IL1RAPL2: variants seen among roughly 807,000 people sequenced by gnomAD.
IL1RAPL2 encodes X-linked interleukin-1 receptor accessory protein-like 2.
Under a neutral mutation model 44.1 loss-of-function variants are expected in IL1RAPL2, and 3 were observed. The ratio of observed to expected loss-of-function variants is 0.07; its 90% CI spans 0.03 to 0.18. The LOEUF is 0.18. Among genes scored for constraint, IL1RAPL2 ranks in the 10% least tolerant of loss-of-function variants. The probability of loss-of-function intolerance (pLI) is 1.00; values close to 1 mark genes in which losing one functional copy is unlikely to be tolerated. For synonymous variants in IL1RAPL2, 181 were observed against 178.8 expected (o/e 1.01, Z -0.10); for missense variants, 391 against 496.4 (o/e 0.79, Z 2.02).
chrX:105,328,615 C>T (rs2034960236), intron 5 of IL1RAPL2, among the ~76,000 whole-genome samples: 1 of 111,479 alleles, frequency 9.0e-6, no homozygotes. Context: ...GCAGCAAAAC[C>T]CTACAGAATT....
At chrX:104,997,162 A>C (rs2030763271) in intron 2 of IL1RAPL2, among the ~76,000 whole-genome samples, 1 of 111,949 alleles carries the variant, frequency 8.9e-6, no homozygotes, top group African/African-American at 3.2e-5. Flanking sequence ...AACTATTCAC[A>C]TGTGGACATT....
chrX:105,174,097 A>C (rs756714058), intron 2 of IL1RAPL2, among the ~76,000 whole-genome samples: 26 of 110,507 alleles, frequency 2.4e-4, no homozygotes, highest in African/African-American at 8.2e-4. Flanking sequence ...TTACCCTCCT[A>C]CCACTTCTAG....
At chrX:105,635,411 G>C (rs958755645) in intron 6 of IL1RAPL2, among the ~76,000 whole-genome samples, 5 of 111,886 alleles carry the variant, frequency 4.5e-5, no homozygotes, top group African/African-American at 1.6e-4. Context: ...AGAATATTAA[G>C]AAGACCAGAG....
At chrX:104,821,194 C>T (rs922067337) in intron 2 of IL1RAPL2, among the ~76,000 whole-genome samples, 1 of 111,714 alleles carries the variant, frequency 9.0e-6, no homozygotes, top group African/African-American at 3.3e-5. Context: ...GCAGAAATAT[C>T]ACAGTGATTA....
At chrX:105,056,886 C>T (rs763188987) in intron 2 of IL1RAPL2, among the ~76,000 whole-genome samples, 2 of 110,814 alleles carry the variant, frequency 1.8e-5, no homozygotes, top group Admixed American at 9.7e-5. Flanking sequence ...AAGCTAGTAT[C>T]GGGAATTCAT....
chrX:105,434,009 A>G (rs1241817848), intron 5 of IL1RAPL2, among the ~76,000 whole-genome samples: 1 of 111,792 alleles, frequency 8.9e-6, no homozygotes, highest in African/African-American at 3.2e-5. Flanking sequence ...CGAATTTATA[A>G]TATTTAAAGA....
chrX:105,472,773 G>A (rs936003266), intron 5 of IL1RAPL2, among the ~76,000 whole-genome samples: 1 of 111,900 alleles, frequency 8.9e-6, no homozygotes, highest in Non-Finnish European at 1.9e-5. Context: ...CATCATGTGG[G>A]AAATTAATCA....
intron 6 of IL1RAPL2, among the ~76,000 whole-genome samples, chrX:105,642,152 C>A (rs921215693): frequency 2.7e-5 from 3 of 109,515 alleles, no homozygotes; most frequent in East Asian, 2.9e-4. Flanking sequence ...CACAGCCCCC[C>A]ACTCCTGCCC....
At chrX:105,056,885 T>C (rs1045789630) in intron 2 of IL1RAPL2, among the ~76,000 whole-genome samples, 5 of 111,064 alleles carry the variant, frequency 4.5e-5, no homozygotes, top group Non-Finnish European at 7.5e-5. Context: ...CAAGCTAGTA[T>C]CGGGAATTCA....
intron 2 of IL1RAPL2, among the ~76,000 whole-genome samples, chrX:105,161,580 A>C (rs898148024): frequency 1.5e-4 from 17 of 111,328 alleles, no homozygotes; most frequent in Non-Finnish European, 3.2e-4. Flanking sequence ...CCTAGACCAC[A>C]TGGTTTTATT....
chrX:105,007,292 C>T (rs1030658781), intron 2 of IL1RAPL2, among the ~76,000 whole-genome samples: 2 of 111,325 alleles, frequency 1.8e-5, no homozygotes, highest in Admixed American at 1.9e-4. Flanking sequence ...TTGGAATGCT[C>T]ATATATATAG....
chrX:105,326,363 C>CT (rs1171883498), intron 5 of IL1RAPL2, among the ~76,000 whole-genome samples: 66 of 109,237 alleles, frequency 6.0e-4, no homozygotes, highest in African/African-American at 1.6e-3. Flanking sequence ...GGCCTGTCTT[C>CT]TTTTTTTTTA....
intron 4 of IL1RAPL2, among the ~76,000 whole-genome samples, chrX:105,259,160 T>A (rs2034337719): frequency 8.9e-6 from 1 of 111,999 alleles, no homozygotes; most frequent in Admixed American, 9.5e-5. Flanking sequence ...GAAGCTTACT[T>A]CCTGTCTCTG....
intron 6 of IL1RAPL2, among the ~76,000 whole-genome samples, chrX:105,652,575 C>T (rs1036586640): frequency 1.8e-5 from 2 of 111,438 alleles, no homozygotes; most frequent in Admixed American, 9.6e-5. Flanking sequence ...AATTCATTAT[C>T]GCACTTAGTA....
At chrX:104,922,857 A>AT (rs995429920) in intron 2 of IL1RAPL2, among the ~76,000 whole-genome samples, 2 of 111,993 alleles carry the variant, frequency 1.8e-5, no homozygotes, top group African/African-American at 6.5e-5. Context: ...CAAGGTATGG[A>AT]TTTTAAGGAA....
intron 6 of IL1RAPL2, among the ~76,000 whole-genome samples, chrX:105,663,407 A>G: frequency 8.9e-6 from 1 of 112,187 alleles, no homozygotes; most frequent in Non-Finnish European, 1.9e-5. Context: ...AGAAATGTAA[A>G]CAAATATAAA....
intron 2 of IL1RAPL2, among the ~76,000 whole-genome samples, chrX:105,034,933 G>C (rs890180972): frequency 0.22 from 18 of 83 alleles, no homozygotes; most frequent in Non-Finnish European, 0.31. Context: ...AATCAAGCCT[G>C]GGCAATGCGG....
At chrX:104,595,378 A>G (rs1240088944) in intron 1 of IL1RAPL2, among the ~76,000 whole-genome samples, 2 of 111,152 alleles carry the variant, frequency 1.8e-5, no homozygotes, top group Non-Finnish European at 3.8e-5. Context: ...TAGAAAATGC[A>G]TTTTAATGAT....
At chrX:104,712,083 C>A (rs181046421) in intron 2 of IL1RAPL2, among the ~76,000 whole-genome samples, 1 of 111,011 alleles carries the variant, frequency 9.0e-6, no homozygotes, top group East Asian at 2.9e-4. Context: ...AAATGATCAG[C>A]TGCTGTAATA....
Sources: gnomAD v4.1 joint callset for allele counts (sites outside exome capture counted in the v4.1 genomes callset) on GRCh38, gnomAD v4.1.1 for gene constraint, MANE v1.5 for transcripts, NCBI Gene and HGNC (gene_info 2026-07-23, HGNC 2026-07-21) for gene names.